Variants in B4GALNT3 observed in about 807,000 individuals in gnomAD.
The protein encoded by B4GALNT3 is beta-1,4-N-acetyl-galactosaminyltransferase 3.
In B4GALNT3, 86 loss-of-function variants were observed where a neutral mutation model predicts 120.2. The ratio of observed to expected loss-of-function variants is 0.72; its 90% CI spans 0.60 to 0.86. The LOEUF (loss-of-function observed/expected upper bound fraction) is 0.86. Among genes scored for constraint, B4GALNT3 ranks in the 40% least tolerant of loss-of-function variants. The pLI is 0.00. For synonymous variants in B4GALNT3, 518 were observed against 510.4 expected (o/e 1.01, Z -0.20); for missense variants, 1,167 against 1,298.9 (o/e 0.90, Z 1.56).
In B4GALNT3 at chr12:549,919, C is replaced by A; in HGVS notation, c.997+7C>A. ...CGGGACACCCTCTATCGAGGTAAGG[C>A]CTCGGCCAGCGCTTGGCGTCCTTTC... is the stretch of plus-strand genomic sequence containing the variant. On this transcript the variant is annotated splice_region_variant and intron_variant, in intron 10 of 19. Transcript: ENST00000266383. 1 of 1,606,844 alleles carries A rather than the reference C, an allele frequency of 6.2e-7. No individual in the cohort carries two copies. The highest frequency in any genetic ancestry group is 8.5e-7 in the Non-Finnish European group (1 of 1,177,136).
chr12:460,384 G>C lies in B4GALNT3; in HGVS notation c.8G>C (p.Ser3Thr). Residue 3 changes from serine (S) to threonine (T), a missense_variant, in exon 1 of 20, where the codon AGC becomes ACC. Ser to Thr is a moderately conservative substitution (Grantham distance 58). This residue lies in a region of B4GALNT3 where 171 missense variants were observed against 161.3 expected (regional missense o/e 1.06). Coordinates refer to ENST00000266383, the MANE Select transcript of B4GALNT3 (RefSeq NM_173593.4). The surrounding 1 kb of genome is among the most constrained non-coding windows in gnomAD (Gnocchi z 8.0). Reference protein sequence around the residue: MGSPRAARPPLLL... With the variant: MGTPRAARPPLLL... ...CCGCCTCGGCGCAGCGCCATGGGGA[G>C]CCCCCGGGCCGCGCGGCCCCCGCTG... 6.9e-7 allele frequency: 1 copy of C among 1,447,426 alleles called. No homozygotes were observed. The highest frequency in any genetic ancestry group is 9.1e-7 in the Non-Finnish European group (1 of 1,100,282). The allele number at this position is 1,447,426 out of a possible 1,614,324, so 89.7% of individuals were successfully genotyped here. A position where few individuals can be genotyped will look rare whatever the true frequency, so the allele number is the denominator to read the frequency against.
intron 1 of B4GALNT3, among the ~76,000 whole-genome samples, chr12:528,372 T>C (rs1017012768): frequency 2.0e-5 from 3 of 152,126 alleles, no homozygotes; most frequent in African/African-American, 7.2e-5. Flanking sequence ...ATTACAGGTG[T>C]GAGCCACTGC....
chr12:482,338 A>G (rs1946249928), intron 1 of B4GALNT3, among the ~76,000 whole-genome samples: 1 of 152,162 alleles, frequency 6.6e-6, no homozygotes, highest in Non-Finnish European at 1.5e-5. Context: ...TTCAGGAAAC[A>G]TCTCCTTGGC....
intron 1 of B4GALNT3, among the ~76,000 whole-genome samples, chr12:503,337 T>C (rs1178891305): frequency 6.6e-6 from 1 of 152,140 alleles, no homozygotes; most frequent in Non-Finnish European, 1.5e-5. Flanking sequence ...CACCAAGCCA[T>C]GGCTGCCACT....
Position 553,639 on chromosome 12 carries a change from G to A in B4GALNT3, c.1716G>A (p.Gln572=). 6.2e-7 allele frequency: 1 copy of A among 1,614,038 alleles called. No homozygotes were observed. The highest frequency in any genetic ancestry group is 1.1e-5 in the South Asian group (1 of 91,092). The part of the protein sequence containing the change: ...LNQVESYIAE[Q]RRGDRMRPQA... ...AGGTGGAGTCGTACATCGCAGAGCA[G>A]AGACGGGGTGACAGGATGCGGCCTC... The change falls in exon 14 of 20, where the codon CAG becomes CAA. Residue 572 remains glutamine, a synonymous_variant. Transcript: ENST00000266383.
intron 1 of B4GALNT3, among the ~76,000 whole-genome samples, chr12:513,221 T>C (rs1946616869): frequency 6.6e-6 from 1 of 152,026 alleles, no homozygotes; most frequent in Non-Finnish European, 1.5e-5. Flanking sequence ...TCCACTACCG[T>C]TCTTGGATTT....
Position 559,284 on chromosome 12 carries a change from T to A in B4GALNT3, c.2762-11T>A. 6.2e-7 allele frequency: 1 copy of A among 1,613,862 alleles called. No homozygotes were observed. The highest frequency in any genetic ancestry group is 8.5e-7 in the Non-Finnish European group (1 of 1,179,792). On this transcript the variant is annotated splice_polypyrimidine_tract_variant and intron_variant, in intron 18 of 19. Transcript: ENST00000266383. ...TGGCTCATCTCACCCGAAGCTCCTG[T>A]CTGTCCACAGGCTACTGGGAGGTGA... is the stretch of plus-strand genomic sequence containing the variant.
intron 1 of B4GALNT3, among the ~76,000 whole-genome samples, chr12:477,750 G>A (rs578174519): frequency 6.6e-6 from 1 of 152,204 alleles, no homozygotes; most frequent in Non-Finnish European, 1.5e-5. Context: ...GATTCATGAT[G>A]TATTTAAAAC....
chr12:550,897 A>ACC lies in B4GALNT3; in HGVS notation c.998-24_998-23insCC. Reference sequence around the variant, plus strand: ...CAGTTTCGTGCTCACCCTCACCCTCACTCCTCCTCCTCCACTGTCCTCAGT... The same window carrying ACC: ...CAGTTTCGTGCTCACCCTCACCCTCACCCTCCTCCTCCTCCACTGTCCTCAGT... On this transcript the variant is annotated intron_variant, in intron 10 of 19. Transcript: ENST00000266383. This position sits in a 1 kb window ranked among gnomAD's most constrained non-coding sequence, Gnocchi z 4.1. 6.4e-7 allele frequency: 1 copy of ACC among 1,563,736 alleles called. No homozygotes were observed. The highest frequency in any genetic ancestry group is 2.2e-5 in the East Asian group (1 of 44,504).
intron 1 of B4GALNT3, among the ~76,000 whole-genome samples, chr12:484,439 G>A (rs1306015193): frequency 1.3e-5 from 2 of 152,144 alleles, no homozygotes; most frequent in Admixed American, 6.5e-5. Context: ...AGTGGTTCTC[G>A]GCCTGGCTGC....
chr12:548,284 G>T lies in B4GALNT3; in HGVS notation c.840G>T (p.Leu280=). ...AKFTIIDSLS[L]SLFTNETFLQ... ...TCACCATCATTGACTCCCTCTCCCT[G>T]TCCCTCTTCACAAGTGAGTAGGCTC... Residue 280 remains leucine (L), a synonymous_variant, in exon 9 of 20, where the codon CTG becomes CTT. Transcript: ENST00000266383. The surrounding 1 kb of genome is among the most constrained non-coding windows in gnomAD (Gnocchi z 4.9). 1 of 1,614,062 alleles carries T rather than the reference G, an allele frequency of 6.2e-7. No homozygotes were observed. Among genetic ancestry groups the T allele is most frequent in the South Asian group, 1.1e-5 (1 of 91,080 alleles).
At chr12:505,135 G>T in intron 1 of B4GALNT3, among the ~76,000 whole-genome samples, 1 of 151,998 alleles carries the variant, frequency 6.6e-6, no homozygotes, top group Admixed American at 6.6e-5. Flanking sequence ...CTTGTGATCT[G>T]CCTGCCTTGG....
At chr12:470,153 A>C (rs11063117) in intron 1 of B4GALNT3, among the ~76,000 whole-genome samples, 1,576 of 152,330 alleles carry the variant, frequency 0.01, 33 homozygotes, top group African/African-American at 0.037. Flanking sequence ...TGAAAGGGAC[A>C]GTCGGAAGGG....
intron 1 of B4GALNT3, among the ~76,000 whole-genome samples, chr12:503,217 A>C (rs1317814812): frequency 6.6e-6 from 1 of 152,138 alleles, no homozygotes; most frequent in Non-Finnish European, 1.5e-5. Flanking sequence ...GCAGTGACTC[A>C]CATGACCACA....
intron 1 of B4GALNT3, among the ~76,000 whole-genome samples, chr12:482,853 C>T (rs979485036): frequency 6.6e-6 from 1 of 152,190 alleles, no homozygotes; most frequent in African/African-American, 2.4e-5. Flanking sequence ...GCCTGGGCAA[C>T]ATAGTGAGAC....
chr12:486,538 A>G (rs1459862787), intron 1 of B4GALNT3, among the ~76,000 whole-genome samples: 1 of 152,108 alleles, frequency 6.6e-6, no homozygotes, highest in East Asian at 1.9e-4. Flanking sequence ...GCCTGCCCTC[A>G]GGGGAAACTA....
chr12:497,285 C>T (rs1407114105), intron 1 of B4GALNT3, among the ~76,000 whole-genome samples: 1 of 152,196 alleles, frequency 6.6e-6, no homozygotes. Context: ...TCCTGAGTAG[C>T]TGGGATTACA....
intron 1 of B4GALNT3, among the ~76,000 whole-genome samples, chr12:463,603 C>T (rs561157984): frequency 2.0e-5 from 3 of 152,178 alleles, no homozygotes; most frequent in South Asian, 4.2e-4. Flanking sequence ...TAATATAAAG[C>T]AGTCATTAAG....
intron 1 of B4GALNT3, among the ~76,000 whole-genome samples, chr12:524,008 C>T (rs1252359429): frequency 1.3e-5 from 2 of 152,118 alleles, no homozygotes; most frequent in Non-Finnish European, 2.9e-5. Flanking sequence ...TTGCAGTGAG[C>T]CAAGATCATG....
Sources: allele counts gnomAD v4.1 joint callset (sites outside exome capture counted in the v4.1 genomes callset), GRCh38; gene constraint gnomAD v4.1.1; regional missense constraint gnomAD v4.1.1; non-coding constraint Gnocchi (gnomAD v3.1); transcripts MANE v1.5; gene names NCBI Gene and HGNC (gene_info 2026-07-23, HGNC 2026-07-21).